The following PDE8A variants were observed in gnomAD, a reference collection of about 807,000 sequenced individuals.
PDE8A encodes phosphodiesterase 8A.
A neutral mutation model predicts 105.0 loss-of-function variants in PDE8A; 59 were observed. The observed-to-expected ratio is 0.56, with a 90% confidence interval of 0.46 to 0.70. The LOEUF is 0.70. Among genes scored for constraint, PDE8A ranks in the 30% least tolerant of loss-of-function variants. PDE8A has a pLI of 0.00. For missense variants in PDE8A, 1,014 were observed against 1,045.9 expected (o/e 0.97, Z 0.42); for synonymous variants, 355 against 371.9 (o/e 0.95, Z 0.52).
chr15:85,022,641 C>T (rs780033833), intron 1 of PDE8A, among the ~76,000 whole-genome samples: 4 of 151,592 alleles, frequency 2.6e-5, no homozygotes, highest in Middle Eastern at 3.2e-3. Flanking sequence ...CTCTGCCTCC[C>T]GGGTTGAAGC....
chr15:85,092,341 T>C (rs1481345415), intron 8 of PDE8A, among the ~76,000 whole-genome samples: 1 of 151,962 alleles, frequency 6.6e-6, no homozygotes, highest in Non-Finnish European at 1.5e-5. Context: ...TTTTTTTGTT[T>C]TGTTTCGTTT....
At chr15:85,069,368 A>C (rs1278459987) in intron 3 of PDE8A, among the ~76,000 whole-genome samples, 1 of 152,186 alleles carries the variant, frequency 6.6e-6, no homozygotes, top group African/African-American at 2.4e-5. Context: ...CCTGAGATTT[A>C]GAAGCTTTGC....
At chr15:85,050,030 T>C (rs79115211) in intron 1 of PDE8A, among the ~76,000 whole-genome samples, 5,541 of 152,212 alleles carry the variant, frequency 0.036, 318 homozygotes, top group African/African-American at 0.12. Flanking sequence ...TGGTGTCTCA[T>C]TGTGGTTTTG....
At chr15:85,003,494 G>A (rs1173698785) in intron 1 of PDE8A, among the ~76,000 whole-genome samples, 1 of 152,106 alleles carries the variant, frequency 6.6e-6, no homozygotes, top group East Asian at 1.9e-4. Context: ...GAGGGGGAGC[G>A]CCCCTCAGAG....
chr15:85,041,362 C>T (rs562079319), intron 1 of PDE8A, among the ~76,000 whole-genome samples: 1 of 152,296 alleles, frequency 6.6e-6, no homozygotes, highest in South Asian at 2.1e-4. Flanking sequence ...TTGCTTTGAA[C>T]GCACCAACAA....
At chr15:85,072,631 A>G (rs1199752737) in intron 3 of PDE8A, among the ~76,000 whole-genome samples, 5 of 152,172 alleles carry the variant, frequency 3.3e-5, no homozygotes, top group South Asian at 2.1e-4. Context: ...ATGTACAGAC[A>G]ATAGTAGAGA....
chr15:85,050,279 T>C (rs1371878303), intron 1 of PDE8A, among the ~76,000 whole-genome samples: 1 of 152,212 alleles, frequency 6.6e-6, no homozygotes, highest in Admixed American at 6.5e-5. Context: ...TTTTACTCTG[T>C]TGATGTTGTC....
rs147298808 is a variant in PDE8A at position 85,021,200 on chromosome 15, A to T, written c.186+38852A>T. Among the ~76,000 whole-genome samples, 4 of 152,232 alleles carry T rather than the reference A, an allele frequency of 2.6e-5. No homozygotes were observed. In the East Asian group the frequency reaches 7.7e-4, roughly 29 times the overall value. On this transcript the variant is annotated intron_variant, in intron 1 of 21. Transcript: ENST00000394553. Reference sequence around the variant, plus strand: ...AAGAGTAGGCCCTCACCAGACACTGATCTTGGACCTCCCACCCTCCAGAAC... The same window carrying T: ...AAGAGTAGGCCCTCACCAGACACTGTTCTTGGACCTCCCACCCTCCAGAAC...
At position 84,982,292 on chromosome 15, in the gene PDE8A, C is replaced by T. The variant is rs181576780; in HGVS notation, c.130C>T (p.Arg44Trp). The T allele has an allele frequency of 3.1e-3, 4,219 of 1,380,932 alleles. 277 individuals carry two copies. In the Admixed American group the frequency reaches 0.12, roughly 40 times the overall value. The allele number at this position is 1,380,932 out of a possible 1,614,324, so 85.5% of individuals were successfully genotyped here. The change falls in exon 1 of 22, where the codon CGG becomes TGG. Residue 44 changes from arginine (R) to tryptophan (W), a missense_variant. Coordinates refer to ENST00000394553, the MANE Select transcript of PDE8A (RefSeq NM_002605.3). ...PQGQKTAALP[R>W]TRGAGLLESE... is the part of the protein sequence containing the mutation. Reference sequence around the variant, plus strand: ...GGGCCAGAAGACGGCCGCCTTGCCCCGGACCCGCGGCGCCGGCCTCTTGGA... The same window carrying T: ...GGGCCAGAAGACGGCCGCCTTGCCCTGGACCCGCGGCGCCGGCCTCTTGGA...
intron 1 of PDE8A, among the ~76,000 whole-genome samples, chr15:85,002,186 C>G (rs750954575): frequency 4.6e-5 from 7 of 151,950 alleles, no homozygotes; most frequent in Admixed American, 1.3e-4. Context: ...GGCTGCCCCC[C>G]CAGTTCAGAT....
intron 1 of PDE8A, among the ~76,000 whole-genome samples, chr15:85,048,813 AAAC>A (rs1448148471): frequency 2.0e-5 from 3 of 152,220 alleles, no homozygotes; most frequent in Non-Finnish European, 4.4e-5. Context: ...AAAAATAACA[AAAC>A]AAAGCCGGGC....
At chr15:85,084,022 G>A (rs1336471911) in intron 6 of PDE8A, among the ~76,000 whole-genome samples, 1 of 151,130 alleles carries the variant, frequency 6.6e-6, no homozygotes, top group Admixed American at 6.6e-5. Flanking sequence ...TCTACAATAA[G>A]CATTTTATCT....
At chr15:85,071,377 C>T (rs957264863) in intron 3 of PDE8A, among the ~76,000 whole-genome samples, 2 of 152,178 alleles carry the variant, frequency 1.3e-5, no homozygotes. Flanking sequence ...TCCCTGCTGC[C>T]CCTGATTCTT....
At chr15:85,115,867 C>T (rs2082087916) in intron 15 of PDE8A, 117 bp from the exon 16 acceptor site, 2 of 905,460 alleles carry the variant, frequency 2.2e-6, no homozygotes, top group Non-Finnish European at 1.7e-6. Context: ...TTGCAGTGAG[C>T]TGAGACTGTA....
At chr15:85,076,640 C>T (rs1432629985) in intron 4 of PDE8A, 93 bp from the exon 5 acceptor site, 2 of 791,738 alleles carry the variant, frequency 2.5e-6, no homozygotes, top group Non-Finnish European at 4.5e-6. Flanking sequence ...GTACTCATTA[C>T]ATAACGAAGT....
chr15:84,994,855 T>C (rs372708726), intron 1 of PDE8A, among the ~76,000 whole-genome samples: 1 of 151,460 alleles, frequency 6.6e-6, no homozygotes, highest in Non-Finnish European at 1.5e-5. Context: ...TCCTAGCTAC[T>C]AGAGGCTGAG....
At chr15:85,017,003 T>C (rs1011067418) in intron 1 of PDE8A, among the ~76,000 whole-genome samples, 2 of 151,820 alleles carry the variant, frequency 1.3e-5, no homozygotes, top group Admixed American at 6.6e-5. Flanking sequence ...GGCTCACGCC[T>C]GTAATCCCAG....
intron 1 of PDE8A, among the ~76,000 whole-genome samples, chr15:85,024,689 T>G (rs1481122839): frequency 2.0e-5 from 3 of 152,198 alleles, no homozygotes; most frequent in Non-Finnish European, 4.4e-5. Flanking sequence ...CTGCCCAAAA[T>G]TTCCCAGTAG....
intron 20 of PDE8A, among the ~76,000 whole-genome samples, chr15:85,130,539 CT>C (rs1555484838): frequency 6.6e-6 from 1 of 152,110 alleles, no homozygotes; most frequent in Non-Finnish European, 1.5e-5. Context: ...AAAATGTATA[CT>C]CTACTGTTGT....
Sources: allele counts gnomAD v4.1 joint callset (sites outside exome capture counted in the v4.1 genomes callset), GRCh38; gene constraint gnomAD v4.1.1; transcripts MANE v1.5; gene names NCBI Gene and HGNC (gene_info 2026-07-23, HGNC 2026-07-21).